The following CHRM5 variants were observed in gnomAD, a reference collection of about 807,000 sequenced individuals.
CHRM5 encodes cholinergic receptor muscarinic 5, also known as muscarinic acetylcholine receptor M5.
A neutral mutation model predicts 39.0 loss-of-function variants in CHRM5; 18 were observed. The ratio of observed to expected loss-of-function variants is 0.46; its 90% CI spans 0.32 to 0.68. The LOEUF is 0.68. CHRM5 is among the 30% of genes least tolerant of loss of function. The pLI, the probability that CHRM5 is intolerant of heterozygous loss-of-function variation, is 0.04. For missense variants in CHRM5, 515 were observed against 651.1 expected, an observed-to-expected ratio of 0.79 and a Z score of 2.28; for synonymous variants, 241 against 246.3, an observed-to-expected ratio of 0.98 and a Z score of 0.20.
At chr15:33,976,120 A>G (rs1475306264) in intron 1 of CHRM5, among the ~76,000 whole-genome samples, 2 of 152,214 alleles carry the variant, frequency 1.3e-5, no homozygotes, top group African/African-American at 2.4e-5. Context: ...ATATAACTAA[A>G]TATTACAACC....
At chr15:33,977,863 G>A (rs115987706) in intron 1 of CHRM5, among the ~76,000 whole-genome samples, 98 of 152,148 alleles carry the variant, frequency 6.4e-4, no homozygotes, top group African/African-American at 2.3e-3. Context: ...CTTGAGCCCA[G>A]GAGGTCAAAG....
At chr15:34,055,915 T>C (rs566655169) in intron 2 of CHRM5, among the ~76,000 whole-genome samples, 1 of 152,348 alleles carries the variant, frequency 6.6e-6, no homozygotes, top group African/African-American at 2.4e-5. Context: ...GCATATTAAA[T>C]TTTGAGACAC....
rs1900510640 is a variant in CHRM5 at position 34,066,360 on chromosome 15, GTTGGGCAT to G, written c.*2046_*2053del. 1 of 152,276 alleles carries G rather than the reference GTTGGGCAT, an allele frequency of 6.6e-6. No homozygotes were observed. The highest frequency in any genetic ancestry group is 6.5e-5 in the Admixed American group (1 of 15,294). The allele number at this position is 152,276 out of a possible 1,614,324, so 9.4% of individuals were successfully genotyped here. A position where few individuals can be genotyped will look rare whatever the true frequency, so the allele number is the denominator to read the frequency against. On this transcript the variant is annotated 3_prime_UTR_variant, in exon 3 of 3. Transcript: ENST00000383263. ...CATGAGAATAGGCTTTTAAGCCCAT[GTTGGGCAT>G]TCACCATTCGCAGTTGAGAGTGAAA...
rs568900986 is a variant in CHRM5, at chr15:33,993,087, G to A, written c.-408+23937G>A. ...ACTGTTAAACATTTTTCTAACTCTGGCTATCTGTGACATCTTGAAAGGAAC... is the reference window on the plus strand; with the variant it reads ...ACTGTTAAACATTTTTCTAACTCTGACTATCTGTGACATCTTGAAAGGAAC... On this transcript the variant is annotated intron_variant, in intron 1 of 2. Coordinates refer to ENST00000383263, the MANE Select transcript of CHRM5 (RefSeq NM_012125.4). Among the ~76,000 whole-genome samples the A allele has an allele frequency of 2.6e-5, 4 of 152,130 alleles. No individual in the cohort carries two copies. In the East Asian group the frequency reaches 5.8e-4, roughly 22 times the overall value.
In CHRM5 at chr15:34,034,577, T is replaced by C. The variant is rs1011988001; in HGVS notation, c.-407-11963T>C. 5.9e-5 allele frequency among the ~76,000 whole-genome samples: 9 copies of C among 152,336 alleles called. No individual in the cohort carries two copies. The South Asian group carries it at 1.2e-3, about 21-fold the overall frequency. ...CTGATCCATTGATAAAAATGTTAGA[T>C]ATAAACTTTAAAGTACATTGTACAT... On this transcript the variant is annotated intron_variant, in intron 1 of 2. Transcript: ENST00000383263.
chr15:34,057,105 C>T (rs1391992499), intron 2 of CHRM5, among the ~76,000 whole-genome samples: 3 of 151,238 alleles, frequency 2.0e-5, no homozygotes, highest in Non-Finnish European at 2.9e-5. Context: ...ATGCCTCAGG[C>T]TCATTCCTAC....
intron 1 of CHRM5, chr15:33,991,444 C>T (rs1234454522): frequency 6.6e-6 from 1 of 151,768 alleles, no homozygotes; most frequent in African/African-American, 2.4e-5. Context: ...CATACCTGTA[C>T]CAAAATATCT....
chr15:34,021,748 G>A (rs1898209153), intron 1 of CHRM5, among the ~76,000 whole-genome samples: 1 of 152,070 alleles, frequency 6.6e-6, no homozygotes, highest in Admixed American at 6.6e-5. Context: ...CCAGCTACTG[G>A]GGAGGCTGAG....
chr15:33,998,639 A>G (rs1391328212), intron 1 of CHRM5, among the ~76,000 whole-genome samples: 1 of 152,174 alleles, frequency 6.6e-6, no homozygotes, highest in African/African-American at 2.4e-5. Context: ...CACCACTCCA[A>G]CAAAACTGCA....
At chr15:33,988,931 C>A (rs1246179183) in intron 1 of CHRM5, among the ~76,000 whole-genome samples, 1 of 152,186 alleles carries the variant, frequency 6.6e-6, no homozygotes, top group African/African-American at 2.4e-5. Context: ...TAATCTAAAT[C>A]CCCTGTATTT....
At chr15:34,042,174 G>T (rs912432896) in intron 1 of CHRM5, among the ~76,000 whole-genome samples, 3 of 152,116 alleles carry the variant, frequency 2.0e-5, no homozygotes, top group African/African-American at 7.2e-5. Flanking sequence ...GAGACCTTTG[G>T]ATTGCATAAA....
intron 1 of CHRM5, among the ~76,000 whole-genome samples, chr15:34,027,423 G>A (rs1260430873): frequency 2.0e-5 from 3 of 152,042 alleles, no homozygotes; most frequent in Non-Finnish European, 4.4e-5. Context: ...CAGCTACACA[G>A]GAGGCTGAGG....
At chr15:34,002,316 C>T (rs958148909) in intron 1 of CHRM5, among the ~76,000 whole-genome samples, 4 of 152,098 alleles carry the variant, frequency 2.6e-5, no homozygotes, top group African/African-American at 9.7e-5. Context: ...TAAGCACATC[C>T]GCCTCCCACC....
chr15:34,033,501 G>A lies in CHRM5; in HGVS notation c.-407-13039G>A, dbSNP rs141307176. Among the ~76,000 whole-genome samples, 217 of 145,792 alleles carry A rather than the reference G, an allele frequency of 1.5e-3. 2 individuals are homozygous for A. The highest frequency in any genetic ancestry group is 4.9e-3 in the African/African-American group (193 of 39,446). ...AGCCTGGGTAACAGAGCGAGGCTCCGTCTCAAAAAAAAAAAAAAAATTGCA... is the reference window on the plus strand; with the variant it reads ...AGCCTGGGTAACAGAGCGAGGCTCCATCTCAAAAAAAAAAAAAAAATTGCA... On this transcript the variant is annotated intron_variant, in intron 1 of 2. Coordinates refer to ENST00000383263, the MANE Select transcript of CHRM5 (RefSeq NM_012125.4).
intron 1 of CHRM5, among the ~76,000 whole-genome samples, chr15:33,977,641 T>C (rs929262449): frequency 6.6e-6 from 1 of 152,268 alleles, no homozygotes; most frequent in South Asian, 2.1e-4. Flanking sequence ...TCTATGTCTG[T>C]GAAATTTTGA....
chr15:34,030,117 G>A (rs898620560), intron 1 of CHRM5, among the ~76,000 whole-genome samples: 3 of 152,044 alleles, frequency 2.0e-5, no homozygotes, highest in African/African-American at 7.2e-5. Context: ...AGCCAGGCAT[G>A]GTGGCACATG....
chr15:33,997,706 T>C (rs1396035140), intron 1 of CHRM5, among the ~76,000 whole-genome samples: 8 of 152,166 alleles, frequency 5.3e-5, no homozygotes, highest in African/African-American at 1.9e-4. Context: ...TCTTCACTTA[T>C]TTCCTTATCC....
rs182714393 is a variant in CHRM5, at chr15:34,027,444, G to A, written c.-407-19096G>A. Among the ~76,000 whole-genome samples, 660 of 151,384 alleles carry A rather than the reference G, an allele frequency of 4.4e-3. 2 individuals carry two copies. Among genetic ancestry groups the A allele is most frequent in the Non-Finnish European group, 6.3e-3 (428 of 67,868 alleles). ...CACAGGAGGCTGAGGCAGGAGAATC[G>A]CTTGAACCCGGAAGGCAGAGGTTGC... On this transcript the variant is annotated intron_variant, in intron 1 of 2. Transcript: ENST00000383263.
chr15:34,058,233 G>C (rs923554283), intron 2 of CHRM5, among the ~76,000 whole-genome samples: 1 of 152,008 alleles, frequency 6.6e-6, no homozygotes, highest in Non-Finnish European at 1.5e-5. Flanking sequence ...AAATACCTTC[G>C]CAGCAATATC....
Sources: gnomAD v4.1 joint callset for allele counts (sites outside exome capture counted in the v4.1 genomes callset) on GRCh38, gnomAD v4.1.1 for gene constraint, MANE v1.5 for transcripts, NCBI Gene and HGNC (gene_info 2026-07-23, HGNC 2026-07-21) for gene names.